The following BMP8A variants were observed in gnomAD, a reference collection of about 807,000 sequenced individuals.
BMP8A encodes BMP-8A.
Under a neutral mutation model 36.8 loss-of-function variants are expected in BMP8A, and 14 were observed. The observed-to-expected ratio is 0.38, with a 90% CI of 0.25 to 0.60. The LOEUF (loss-of-function observed/expected upper bound fraction) is 0.60. Ranked by LOEUF, BMP8A falls within the 20% of genes least tolerant of loss-of-function variation. The probability of loss-of-function intolerance (pLI) is 0.63; values close to 1 mark genes in which losing one functional copy is unlikely to be tolerated. For missense variants in BMP8A, 267 were observed against 551.1 expected, an observed-to-expected ratio of 0.48 and a Z score of 5.16; for synonymous variants, 120 against 237.7, an observed-to-expected ratio of 0.50 and a Z score of 4.55.
chr1:39,504,096 A>G (rs1043129255), intron 1 of BMP8A, among the ~76,000 whole-genome samples: 16 of 152,200 alleles, frequency 1.1e-4, no homozygotes, highest in Admixed American at 2.6e-4. Flanking sequence ...TTGGTATCAT[A>G]TTGTCCCATT....
intron 5 of BMP8A, among the ~76,000 whole-genome samples, chr1:39,522,724 A>G (rs953182804): frequency 6.6e-6 from 1 of 151,956 alleles, no homozygotes; most frequent in Non-Finnish European, 1.5e-5. Flanking sequence ...AGCTGTCAGC[A>G]TTGCCGCAGG....
At chr1:39,523,219 T>C in intron 6 of BMP8A, 102 bp downstream of exon 6, 1 of 1,339,140 alleles carries the variant, frequency 7.5e-7, no homozygotes, top group Non-Finnish European at 1.0e-6. Context: ...ACCTGCTCCA[T>C]GTCTCGGGGG....
chr1:39,504,128 T>C (rs141179919), intron 1 of BMP8A, among the ~76,000 whole-genome samples: 1 of 152,188 alleles, frequency 6.6e-6, no homozygotes, highest in East Asian at 1.9e-4. Context: ...GAAGGGCATA[T>C]CACTTTGAAG....
rs1645458944 is a variant in BMP8A at position 39,524,134 on chromosome 1, A to G, written c.1059+1017A>G. Among the ~76,000 whole-genome samples, 1 of 152,170 alleles carries G rather than the reference A, an allele frequency of 6.6e-6. No homozygotes were observed. The highest frequency in any genetic ancestry group is 2.4e-5 in the African/African-American group (1 of 41,428). On this transcript the variant is annotated intron_variant, in intron 6 of 6. Transcript: ENST00000331593. This position sits in a 1 kb window ranked among gnomAD's most constrained non-coding sequence, Gnocchi z 4.0. ...TGGACACCTGGAGCCATCTCCTTGG[A>G]AAGGCCCAGGGGTGATGAGGACGCG...
intron 1 of BMP8A, among the ~76,000 whole-genome samples, chr1:39,506,122 T>C (rs948015683): frequency 2.0e-5 from 3 of 152,174 alleles, no homozygotes; most frequent in African/African-American, 7.2e-5. Context: ...ATTGAATTCT[T>C]GACAGAAAAA....
rs1337489965 is a variant in BMP8A at position 39,524,301 on chromosome 1, T to C, written c.1059+1184T>C. On this transcript the variant is annotated intron_variant, in intron 6 of 6. Transcript: ENST00000331593. The surrounding 1 kb of genome is among the most constrained non-coding windows in gnomAD (Gnocchi z 4.0). ...TGCCCCTGCCCCTCAGGGGCTCAACTAGAGTGAGTGCTCACAGCCTACAGG... is the reference window on the plus strand; with the variant it reads ...TGCCCCTGCCCCTCAGGGGCTCAACCAGAGTGAGTGCTCACAGCCTACAGG... 6.6e-6 allele frequency among the ~76,000 whole-genome samples: 1 copy of C among 151,882 alleles called. No homozygotes were observed. Among genetic ancestry groups the C allele is most frequent in the Non-Finnish European group, 1.5e-5 (1 of 67,996 alleles).
chr1:39,508,023 G>A (rs992279625), intron 1 of BMP8A, among the ~76,000 whole-genome samples: 2 of 152,120 alleles, frequency 1.3e-5, no homozygotes, highest in Admixed American at 6.5e-5. Flanking sequence ...AGGCCGAGGC[G>A]GGCAGATCAC....
At chr1:39,492,402 C>G in intron 1 of BMP8A, 77 bp downstream of exon 1, 3 of 1,407,770 alleles carry the variant, frequency 2.1e-6, no homozygotes, top group Middle Eastern at 2.5e-4. Flanking sequence ...CGGGCGGTGC[C>G]GGGCCCTGGC....
At chr1:39,508,168 G>A (rs181532743) in intron 1 of BMP8A, among the ~76,000 whole-genome samples, 255 of 151,906 alleles carry the variant, frequency 1.7e-3, no homozygotes, top group Non-Finnish European at 2.7e-3. Flanking sequence ...GGAGAATGGC[G>A]TGAACCCGGG....
chr1:39,524,621 G>C lies in BMP8A; in HGVS notation c.1060-1028G>C, dbSNP rs783816. On this transcript the variant is annotated intron_variant, in intron 6 of 6. Transcript: ENST00000331593. This position sits in a 1 kb window ranked among gnomAD's most constrained non-coding sequence, Gnocchi z 4.0. Reference sequence around the variant, plus strand: ...GAGGAGAGTGGAGGGAGGTGATGCCGGGGTGAGCCAGGCCAGCTCCCGTAG... The same window carrying C: ...GAGGAGAGTGGAGGGAGGTGATGCCCGGGTGAGCCAGGCCAGCTCCCGTAG... Among the ~76,000 whole-genome samples the C allele has an allele frequency of 6.6e-6, 1 of 152,060 alleles. No homozygotes were observed. Among genetic ancestry groups the C allele is most frequent in the Non-Finnish European group, 1.5e-5 (1 of 68,010 alleles).
chr1:39,525,662 A>T lies in BMP8A; in HGVS notation c.1073A>T (p.Lys358Met), dbSNP rs1194767366. The T allele has an allele frequency of 4.3e-6, 7 of 1,613,850 alleles. No individual in the cohort carries two copies. The highest frequency in any genetic ancestry group is 5.9e-6 in the Non-Finnish European group (7 of 1,179,994). The stretch of plus-strand genomic sequence containing the variant: ...CTTCCTGGCCAGGTGCACCTGATGA[A>T]GCCAAACGCAGTCCCCAAGGCGTGC... ...AILQSLVHLMKPNAVPKACCA... is the reference protein window; with the variant it reads ...AILQSLVHLMMPNAVPKACCA... Residue 358 changes from lysine to methionine, a missense_variant, in exon 7 of 7, where the codon AAG becomes ATG. Around this residue, in one of 7 missense-constraint regions of BMP8A, gnomAD observed 132 missense variants for 151.3 expected, o/e 0.87. Transcript: ENST00000331593.
At chr1:39,509,524 T>G (rs190633135) in intron 1 of BMP8A, among the ~76,000 whole-genome samples, 1 of 152,262 alleles carries the variant, frequency 6.6e-6, no homozygotes, top group African/African-American at 2.4e-5. Context: ...CCCAGCACCC[T>G]CAGGTGCTGT....
At chr1:39,496,921 G>A (rs74645539) in intron 1 of BMP8A, among the ~76,000 whole-genome samples, 3,532 of 152,326 alleles carry the variant, frequency 0.023, 70 homozygotes, top group African/African-American at 0.058. Flanking sequence ...GCAGAAGCAT[G>A]TAACTTGGGT....
rs970841866 is a variant in BMP8A, at chr1:39,495,045, C to T, written c.334+2720C>T. ...GGGGTGGGTGGGGGGTGGATAGACACGTACCAGGATGCTCTCAGTGTTTGG... is the reference window on the plus strand; with the variant it reads ...GGGGTGGGTGGGGGGTGGATAGACATGTACCAGGATGCTCTCAGTGTTTGG... On this transcript the variant is annotated intron_variant, in intron 1 of 6. Coordinates refer to ENST00000331593, the MANE Select transcript of BMP8A (RefSeq NM_181809.4). Among the ~76,000 whole-genome samples the T allele has an allele frequency of 2.6e-5, 4 of 152,100 alleles. 1 individual carries two copies. In the South Asian group the frequency reaches 6.2e-4, roughly 24 times the overall value.
intron 1 of BMP8A, among the ~76,000 whole-genome samples, chr1:39,508,832 A>T (rs1645325489): frequency 6.6e-6 from 1 of 152,210 alleles, no homozygotes; most frequent in Non-Finnish European, 1.5e-5. Flanking sequence ...TTATTTTCCT[A>T]AAAAATTCCC....
rs1437275336 is a variant in BMP8A at position 39,529,507 on chromosome 1, T to A, written c.*3709T>A. Among the ~76,000 whole-genome samples the A allele has an allele frequency of 2.0e-5, 3 of 152,344 alleles. No homozygotes were observed. In the East Asian group the frequency reaches 5.8e-4, roughly 29 times the overall value. ...CCTCATGGGCAGCTGAAGGGGGAGC[T>A]TTCTACCCCAGGTTCCTTTCCTTAC... On this transcript the variant is annotated 3_prime_UTR_variant, in exon 7 of 7. Coordinates refer to ENST00000331593, the MANE Select transcript of BMP8A (RefSeq NM_181809.4).
At chr1:39,517,014 G>T (rs1454964397) in intron 3 of BMP8A, among the ~76,000 whole-genome samples, 2 of 151,462 alleles carry the variant, frequency 1.3e-5, no homozygotes, top group Admixed American at 6.6e-5. Flanking sequence ...TTTGAGGCAG[G>T]GTCTGGCTCT....
intron 6 of BMP8A, among the ~76,000 whole-genome samples, 155 bp downstream of exon 6, chr1:39,523,272 C>T (rs1389896731): frequency 6.6e-6 from 1 of 152,220 alleles, no homozygotes; most frequent in Non-Finnish European, 1.5e-5. Flanking sequence ...CTTCCCACAG[C>T]TCTGCAGGAA....
chr1:39,491,978 G>GC lies in BMP8A; in HGVS notation c.-9dup. The GC allele has an allele frequency of 1.9e-6, 2 of 1,076,954 alleles. No homozygotes were observed. Among genetic ancestry groups the GC allele is most frequent in the East Asian group, 6.3e-5 (1 of 15,852 alleles). 66.7% of individuals were successfully genotyped at this position (1,076,954 alleles called of 1,614,324 possible). On this transcript the variant is annotated 5_prime_UTR_variant, in exon 1 of 7. Transcript: ENST00000331593. ...CGGAGCTGATGTGCGCCCGCTGAGC[G>GC]CCCCCGGCCCGCCATGGCCGCGCGC...
Sources: allele counts gnomAD v4.1 joint callset (sites outside exome capture counted in the v4.1 genomes callset), GRCh38; gene constraint gnomAD v4.1.1; regional missense constraint gnomAD v4.1.1; non-coding constraint Gnocchi (gnomAD v3.1); transcripts MANE v1.5; gene names NCBI Gene and HGNC (gene_info 2026-07-23, HGNC 2026-07-21).